The following CLIP1 variants were observed in gnomAD, a reference collection of about 807,000 sequenced individuals.
The protein encoded by CLIP1 is CAP-Gly domain-containing linker protein 1.
A neutral mutation model predicts 161.6 loss-of-function variants in CLIP1; 66 were observed. The ratio of observed to expected loss-of-function variants is 0.41; its 90% confidence interval spans 0.33 to 0.50. The LOEUF is 0.50. Ranked by LOEUF, CLIP1 falls within the 20% of genes least tolerant of loss-of-function variation. The pLI, the probability that CLIP1 is intolerant of heterozygous loss-of-function variation, is 0.27. For synonymous variants in CLIP1, 598 were observed against 626.2 expected, an observed-to-expected ratio of 0.96 and a Z score of 0.67; for missense variants, 1,376 against 1,702.0, an observed-to-expected ratio of 0.81 and a Z score of 3.37.
At chr12:122,295,351 CAG>C (rs995384900) in intron 20 of CLIP1, among the ~76,000 whole-genome samples, 1 of 152,148 alleles carries the variant, frequency 6.6e-6, no homozygotes, top group African/African-American at 2.4e-5. Flanking sequence ...GCCTGGGGAA[CAG>C]AGTGAGACTC....
chr12:122,398,864 T>C (rs539337507), intron 1 of CLIP1, among the ~76,000 whole-genome samples: 1 of 147,274 alleles, frequency 6.8e-6, no homozygotes, highest in East Asian at 2.0e-4. Context: ...TTTTAAAAAG[T>C]TTAAGAAAAA....
At chr12:122,389,014 T>A (rs1726038406) in intron 1 of CLIP1, among the ~76,000 whole-genome samples, 1 of 152,212 alleles carries the variant, frequency 6.6e-6, no homozygotes, top group Non-Finnish European at 1.5e-5. Flanking sequence ...CTCCTCCATG[T>A]TTTCAAGGCT....
At chr12:122,395,809 T>G (rs1172447559) in intron 1 of CLIP1, 1 of 152,254 alleles carries the variant, frequency 6.6e-6, no homozygotes, top group African/African-American at 2.4e-5. Flanking sequence ...ACTGGAGGAT[T>G]GGGCTACATT....
intron 10 of CLIP1, among the ~76,000 whole-genome samples, chr12:122,347,172 G>A (rs946415544): frequency 6.6e-6 from 1 of 152,174 alleles, no homozygotes; most frequent in Non-Finnish European, 1.5e-5. Context: ...CCAAAGGAAT[G>A]AGTCTTTACT....
intron 5 of CLIP1, among the ~76,000 whole-genome samples, chr12:122,357,513 G>A (rs1358599821): frequency 6.6e-6 from 1 of 151,174 alleles, no homozygotes; most frequent in Non-Finnish European, 1.5e-5. Flanking sequence ...AGGTGGGGGG[G>A]GTCAGCCCGC....
Position 122,309,892 on chromosome 12 carries a change from C to T in CLIP1, c.3474-10G>A. 6.2e-7 allele frequency: 1 copy of T among 1,614,078 alleles called. No homozygotes were observed. The highest frequency in any genetic ancestry group is 8.5e-7 in the Non-Finnish European group (1 of 1,180,004). Reference sequence around the variant, plus strand: ...CTGCTTTAGGGTTTCTCTGCAAGGACAGTGAGTGCAGGGTTACCATAGAAA... The same window carrying T: ...CTGCTTTAGGGTTTCTCTGCAAGGATAGTGAGTGCAGGGTTACCATAGAAA... On this transcript the variant is annotated splice_polypyrimidine_tract_variant and intron_variant, in intron 19 of 25. Coordinates refer to ENST00000620786, the MANE Select transcript of CLIP1 (RefSeq NM_001247997.2).
chr12:122,356,383 G>A (rs973127258), intron 5 of CLIP1, among the ~76,000 whole-genome samples: 4 of 152,168 alleles, frequency 2.6e-5, no homozygotes, highest in African/African-American at 9.7e-5. Context: ...TCATTAGATT[G>A]TCCTACAGTC....
intron 20 of CLIP1, among the ~76,000 whole-genome samples, chr12:122,303,071 C>G (rs1195134043): frequency 6.6e-6 from 1 of 152,130 alleles, no homozygotes; most frequent in Non-Finnish European, 1.5e-5. Context: ...AGGCTGCTTC[C>G]TGTTTATGAT....
intron 14 of CLIP1, 92 bp from the exon 15 acceptor site, chr12:122,333,235 A>G: frequency 1.1e-6 from 1 of 927,764 alleles, no homozygotes; most frequent in Middle Eastern, 3.2e-4. Flanking sequence ...ATTTTCACAC[A>G]GCAATTCTTG....
intron 1 of CLIP1, among the ~76,000 whole-genome samples, chr12:122,381,252 C>A (rs1362846949): frequency 1.3e-5 from 2 of 152,102 alleles, no homozygotes; most frequent in Non-Finnish European, 2.9e-5. Flanking sequence ...AGTTTTACTA[C>A]AACAAGCCTG....
intron 1 of CLIP1, among the ~76,000 whole-genome samples, chr12:122,387,254 C>A (rs1474708566): frequency 6.6e-6 from 1 of 152,064 alleles, no homozygotes; most frequent in Non-Finnish European, 1.5e-5. Context: ...CCCAGGGAAC[C>A]TTTGAGACTC....
At chr12:122,299,475 T>G (rs1303290872) in intron 20 of CLIP1, among the ~76,000 whole-genome samples, 1 of 151,964 alleles carries the variant, frequency 6.6e-6, no homozygotes, top group African/African-American at 2.4e-5. Flanking sequence ...CAAAGGATGA[T>G]TCCCACAGAA....
chr12:122,273,992 C>G (rs1237698120), intron 25 of CLIP1, 46 bp downstream of exon 25: 2 of 1,591,964 alleles, frequency 1.3e-6, no homozygotes, highest in African/African-American at 2.7e-5. Context: ...CTCGGCCTCC[C>G]AAAGTGCTGG....
intron 1 of CLIP1, among the ~76,000 whole-genome samples, chr12:122,397,137 C>T (rs530519858): frequency 1.3e-5 from 2 of 151,644 alleles, no homozygotes; most frequent in Non-Finnish European, 2.9e-5. Context: ...TCAGTATGAT[C>T]ACGTGACTGA....
Position 122,394,857 on chromosome 12 carries a change from TA to T in CLIP1, c.-106-14300del, listed in dbSNP as rs926939455. ...ACAGCATGAGACTCCGGCTCAAAAA[TA>T]AAAAAAAAGAAGGACAATCCTTTAA... On this transcript the variant is annotated intron_variant, in intron 1 of 25. Transcript: ENST00000620786. Among the ~76,000 whole-genome samples the T allele has an allele frequency of 1.9e-3, 291 of 150,948 alleles. 1 individual carries two copies. The highest frequency in any genetic ancestry group is 6.4e-3 in the African/African-American group (263 of 41,124).
At chr12:122,370,020 A>AGCTGTGGTGGCTCACGCCTGTAGT (rs1228978493) in intron 3 of CLIP1, among the ~76,000 whole-genome samples, 2 of 151,946 alleles carry the variant, frequency 1.3e-5, no homozygotes, top group Non-Finnish European at 2.9e-5. Flanking sequence ...AAAATTAGCC[A>AGCTGTGGTGGCTCACGCCTGTAGT]GCTGTGGTGG....
At chr12:122,383,312 C>T (rs182366750) in intron 1 of CLIP1, among the ~76,000 whole-genome samples, 4 of 152,298 alleles carry the variant, frequency 2.6e-5, no homozygotes, top group Non-Finnish European at 5.9e-5. Context: ...GTTGGGCTCA[C>T]GTCAAGCACT....
chr12:122,368,224 T>A (rs1954262165), intron 3 of CLIP1, among the ~76,000 whole-genome samples: 1 of 152,188 alleles, frequency 6.6e-6, no homozygotes, highest in Non-Finnish European at 1.5e-5. Flanking sequence ...AGTGTTTGGA[T>A]CCTTAAAAAA....
At chr12:122,347,554 G>C in intron 9 of CLIP1, 75 bp from the exon 10 acceptor site, 1 of 1,140,568 alleles carries the variant, frequency 8.8e-7, no homozygotes, top group Non-Finnish European at 1.3e-6. Flanking sequence ...AGAGACAGCG[G>C]CATGCAGGCT....
Sources: allele counts gnomAD v4.1 joint callset (sites outside exome capture counted in the v4.1 genomes callset), GRCh38; gene constraint gnomAD v4.1.1; transcripts MANE v1.5; gene names NCBI Gene and HGNC (gene_info 2026-07-23, HGNC 2026-07-21).